RTN4R: variants seen among roughly 807,000 people sequenced by gnomAD.
RTN4R encodes reticulon-4 receptor.
RTN4R carries 4 observed loss-of-function variants against 27.7 expected under a neutral mutation model. The observed-to-expected ratio is 0.14, with a 90% confidence interval of 0.07 to 0.33. RTN4R has a LOEUF of 0.33. Ranked by LOEUF, RTN4R falls within the 10% of genes least tolerant of loss-of-function variation. The pLI, the probability that RTN4R is intolerant of heterozygous loss-of-function variation, is 1.00. For missense variants in RTN4R, 554 were observed against 671.5 expected (o/e 0.83, Z 1.93); for synonymous variants, 290 against 305.6 (o/e 0.95, Z 0.53).
At position 20,263,030 on chromosome 22, in the gene RTN4R, T is replaced by G. The variant is rs541501152; in HGVS notation, c.22+5041A>C. Among the ~76,000 whole-genome samples, 11 of 152,292 alleles carry G rather than the reference T, an allele frequency of 7.2e-5. No individual in the cohort carries two copies. The East Asian group carries it at 1.9e-3, about 27-fold the overall frequency. On this transcript the variant is annotated intron_variant, in intron 1 of 1. Coordinates refer to ENST00000043402, the MANE Select transcript of RTN4R (RefSeq NM_023004.6). ...CTCCAGCCTGCCTAGCCCTGCCCCC[T>G]TCCTTGACGGGCCCCTCACCCAGCC...
chr22:20,242,787 C>A lies in RTN4R; in HGVS notation c.346G>T (p.Ala116Ser), dbSNP rs775520463. The A allele has an allele frequency of 6.2e-7, 1 of 1,612,884 alleles. No homozygotes were observed. Among genetic ancestry groups the A allele is most frequent in the South Asian group, 1.1e-5 (1 of 91,084 alleles). Residue 116 changes from alanine (A) to serine (S), a missense_variant, in exon 2 of 2, where the codon GCA (alanine) becomes TCA (serine). This residue lies in a region of RTN4R where 413 missense variants were observed against 542.3 expected (regional missense o/e 0.76). Coordinates refer to ENST00000043402, the MANE Select transcript of RTN4R (RefSeq NM_023004.6). ...GCAGGGTCCACAGACCGGAGCTGTGCATTATCGCTGAGGTCCAGCTGCTCC... is the reference window on the plus strand; with the variant it reads ...GCAGGGTCCACAGACCGGAGCTGTGAATTATCGCTGAGGTCCAGCTGCTCC... ...LLEQLDLSDN[A>S]QLRSVDPATF...
At chr22:20,258,679 G>A (rs952307987) in intron 1 of RTN4R, among the ~76,000 whole-genome samples, 1 of 152,180 alleles carries the variant, frequency 6.6e-6, no homozygotes. Context: ...TACTCCCCTG[G>A]CTCCCAGGGC....
intron 1 of RTN4R, among the ~76,000 whole-genome samples, chr22:20,252,977 A>G (rs2051192959): frequency 6.6e-6 from 1 of 152,100 alleles, no homozygotes. Context: ...AGGCCTGCCA[A>G]TGTGACCTGG....
rs1481736875 is a variant in RTN4R at position 20,250,035 on chromosome 22, G to A, written c.23-6925C>T. 2.0e-5 allele frequency among the ~76,000 whole-genome samples: 3 copies of A among 152,242 alleles called. No individual in the cohort carries two copies. In the East Asian group the frequency reaches 5.8e-4, roughly 29 times the overall value. Reference sequence around the variant, plus strand: ...ATAAGCAGTGCCTGCTAAGACCACAGAGAAGCTCAGCCAGGCAGGGCCAGT... The same window carrying A: ...ATAAGCAGTGCCTGCTAAGACCACAAAGAAGCTCAGCCAGGCAGGGCCAGT... On this transcript the variant is annotated intron_variant, in intron 1 of 1. Coordinates refer to ENST00000043402, the MANE Select transcript of RTN4R (RefSeq NM_023004.6).
At chr22:20,267,707 C>A in intron 1 of RTN4R, 1 of 454,778 alleles carries the variant, frequency 2.2e-6, no homozygotes. Flanking sequence ...CTGCAAAAAC[C>A]CGCTCGTTAA....
chr22:20,242,919 C>T lies in RTN4R; in HGVS notation c.214G>A (p.Val72Met), dbSNP rs772689102. 6.2e-7 allele frequency: 1 copy of T among 1,612,238 alleles called. No individual in the cohort carries two copies. The highest frequency in any genetic ancestry group is 8.5e-7 in the Non-Finnish European group (1 of 1,179,552). The change falls in exon 2 of 2, where the codon GTG becomes ATG. Residue 72 changes from valine (V) to methionine (M), a missense_variant. This residue lies in a region of RTN4R where 413 missense variants were observed against 542.3 expected (regional missense o/e 0.76). Transcript: ENST00000043402. Reference sequence around the variant, plus strand: ...CAGGCACGGAAGCTGGCAGCTGGCACATGCGAGATGCGGTTGCCGTGCAGG... The same window carrying T: ...CAGGCACGGAAGCTGGCAGCTGGCATATGCGAGATGCGGTTGCCGTGCAGG... ...IFLHGNRISHVPAASFRACRN... is the reference protein window; with the variant it reads ...IFLHGNRISHMPAASFRACRN...
chr22:20,267,520 C>A, intron 1 of RTN4R: 2 of 435,108 alleles, frequency 4.6e-6, no homozygotes, highest in South Asian at 3.3e-5. Flanking sequence ...CTCCTCTCAC[C>A]GCCCGCCCTG....
At chr22:20,266,689 T>C (rs958053873) in intron 1 of RTN4R, among the ~76,000 whole-genome samples, 1 of 152,124 alleles carries the variant, frequency 6.6e-6, no homozygotes, top group Non-Finnish European at 1.5e-5. Flanking sequence ...ACCCTGCCCC[T>C]CACACCCTGG....
chr22:20,242,851 G>A lies in RTN4R; in HGVS notation c.282C>T (p.Ala94=). Residue 94 remains alanine (A), a synonymous_variant, in exon 2 of 2, where the codon GCC becomes GCT. Coordinates refer to ENST00000043402, the MANE Select transcript of RTN4R (RefSeq NM_023004.6). ...TILWLHSNVL[A]RIDAAAFTGL... Reference sequence around the variant, plus strand: ...CAGTGAAGGCAGCCGCATCAATTCGGGCCAGCACATTCGAGTGCAGCCACA... The same window carrying A: ...CAGTGAAGGCAGCCGCATCAATTCGAGCCAGCACATTCGAGTGCAGCCACA... 1.2e-6 allele frequency: 2 copies of A among 1,613,074 alleles called. No individual in the cohort carries two copies. Among genetic ancestry groups the A allele is most frequent in the Non-Finnish European group, 1.7e-6 (2 of 1,179,936 alleles).
At chr22:20,267,550 C>A in intron 1 of RTN4R, 3 of 463,116 alleles carry the variant, frequency 6.5e-6, no homozygotes, top group South Asian at 4.7e-5. Context: ...CTGGGACAAC[C>A]CTGTCCCCCA....
intron 1 of RTN4R, among the ~76,000 whole-genome samples, chr22:20,258,619 T>C (rs2051226438): frequency 6.6e-6 from 1 of 152,202 alleles, no homozygotes; most frequent in South Asian, 2.1e-4. Flanking sequence ...CGGGGGGCTA[T>C]GCAGGACTGC....
intron 1 of RTN4R, among the ~76,000 whole-genome samples, chr22:20,251,628 C>G (rs1291851289): frequency 2.0e-5 from 3 of 150,006 alleles, no homozygotes; most frequent in Non-Finnish European, 3.0e-5. Context: ...CTATCACCAC[C>G]ATCATCTTCA....
At position 20,242,568 on chromosome 22, in the gene RTN4R, G is replaced by A. The variant is rs746384572; in HGVS notation, c.565C>T (p.Arg189Cys). 40 of 1,613,396 alleles carry A rather than the reference G, an allele frequency of 2.5e-5. No individual in the cohort carries two copies. The Admixed American group carries it at 2.5e-4, about 10-fold the overall frequency. The change falls in exon 2 of 2, where the codon CGC (arginine) becomes TGC (cysteine). Residue 189 changes from arginine (R) to cysteine (C), a missense_variant. By Grantham distance (180) the Arg-to-Cys change is radical. Transcript: ENST00000043402. Reference sequence around the variant, plus strand: ...GCGCGCTCGGGCACGCTGGAGATGCGGTTGCCGTGCAGGAAGAGGTGTGTG... The same window carrying A: ...GCGCGCTCGGGCACGCTGGAGATGCAGTTGCCGTGCAGGAAGAGGTGTGTG... Reference protein sequence around the residue: ...NLTHLFLHGNRISSVPERAFR... With the variant: ...NLTHLFLHGNCISSVPERAFR...
rs1177692275 is a variant in RTN4R at position 20,268,082 on chromosome 22, G to T, written c.11C>A (p.Ala4Glu). The T allele has an allele frequency of 1.7e-6, 2 of 1,191,976 alleles. No homozygotes were observed. The highest frequency in any genetic ancestry group is 2.1e-6 in the Non-Finnish European group (2 of 959,404). The allele number at this position is 1,191,976 out of a possible 1,614,324, so 73.8% of individuals were successfully genotyped here. Residue 4 changes from alanine (A) to glutamate (E), a missense_variant, in exon 1 of 2, where the codon GCG (alanine) becomes GAG (glutamate). Physicochemically the swap from Ala to Glu is moderately radical, Grantham distance 107. This residue lies in a region of RTN4R where 413 missense variants were observed against 542.3 expected (regional missense o/e 0.76). Coordinates refer to ENST00000043402, the MANE Select transcript of RTN4R (RefSeq NM_023004.6). ...GCGCGGACACTCACCTCCAGCGGACGCCCTCTTCATCGTAGGGGTTGGGCG... is the reference window on the plus strand; with the variant it reads ...GCGCGGACACTCACCTCCAGCGGACTCCCTCTTCATCGTAGGGGTTGGGCG... MKR[A>E]SAGGSRLLAW...
intron 1 of RTN4R, among the ~76,000 whole-genome samples, chr22:20,264,201 T>C (rs961318505): frequency 5.9e-5 from 9 of 152,212 alleles, no homozygotes; most frequent in African/African-American, 9.7e-5. Flanking sequence ...CTGCAGGCAG[T>C]GCAGGAGGCC....
intron 1 of RTN4R, among the ~76,000 whole-genome samples, chr22:20,258,567 A>G (rs535046525): frequency 6.6e-6 from 1 of 152,288 alleles, no homozygotes; most frequent in African/African-American, 2.4e-5. Context: ...CTTGCAAGTG[A>G]GGATGTTGAA....
intron 1 of RTN4R, among the ~76,000 whole-genome samples, chr22:20,261,794 G>A (rs915940743): frequency 3.9e-5 from 6 of 152,244 alleles, no homozygotes; most frequent in Non-Finnish European, 7.3e-5. Context: ...CTCTTCAAGT[G>A]GAGAGGGGTA....
At chr22:20,259,978 C>G (rs987445858) in intron 1 of RTN4R, among the ~76,000 whole-genome samples, 5 of 152,146 alleles carry the variant, frequency 3.3e-5, no homozygotes, top group Admixed American at 3.3e-4. Context: ...TCCCCTGCAT[C>G]GGGGACTGGA....
intron 1 of RTN4R, among the ~76,000 whole-genome samples, chr22:20,245,194 C>T (rs755640118): frequency 1.3e-5 from 2 of 152,168 alleles, no homozygotes; most frequent in African/African-American, 2.4e-5. Context: ...GGCCACGTGG[C>T]GCTCAGTTCT....
Sources: allele counts gnomAD v4.1 joint callset (sites outside exome capture counted in the v4.1 genomes callset), GRCh38; gene constraint gnomAD v4.1.1; regional missense constraint gnomAD v4.1.1; transcripts MANE v1.5; gene names NCBI Gene and HGNC (gene_info 2026-07-23, HGNC 2026-07-21).